RBFOX3: variants seen among roughly 807,000 people sequenced by gnomAD.
The protein encoded by RBFOX3 is RNA binding protein fox-1 homolog 3.
A neutral mutation model predicts 48.7 loss-of-function variants in RBFOX3; 17 were observed. That is an observed-to-expected ratio of 0.35 (90% CI 0.24 to 0.52). RBFOX3 has a LOEUF of 0.52. Ranked by LOEUF, RBFOX3 falls within the 20% of genes least tolerant of loss-of-function variation. The probability of loss-of-function intolerance (pLI) is 0.94; values close to 1 mark genes in which losing one functional copy is unlikely to be tolerated. For synonymous variants in RBFOX3, 212 were observed against 209.5 expected (o/e 1.01, Z -0.10); for missense variants, 382 against 497.5 (o/e 0.77, Z 2.21).
chr17:79,236,351 C>A (rs1253264902), intron 3 of RBFOX3, among the ~76,000 whole-genome samples: 2 of 152,038 alleles, frequency 1.3e-5, no homozygotes, highest in Admixed American at 1.3e-4. Context: ...TGCAATGGTG[C>A]GATCTTGGCT....
intron 1 of RBFOX3, among the ~76,000 whole-genome samples, chr17:79,603,426 C>T (rs1386920308): frequency 1.3e-5 from 2 of 152,208 alleles, no homozygotes; most frequent in Non-Finnish European, 2.9e-5. Context: ...ACTGAGTCCA[C>T]GGCCCCACAG....
intron 1 of RBFOX3, among the ~76,000 whole-genome samples, chr17:79,558,162 T>C (rs1015694150): frequency 1.6e-3 from 242 of 152,138 alleles, no homozygotes; most frequent in Non-Finnish European, 2.7e-3. Context: ...TTTTGTTCAC[T>C]GTTTGGGGGC....
chr17:79,563,065 G>A (rs1053836849), intron 1 of RBFOX3, among the ~76,000 whole-genome samples: 8 of 152,310 alleles, frequency 5.3e-5, no homozygotes, highest in Non-Finnish European at 7.4e-5. Flanking sequence ...CAGAGCGGGC[G>A]GGGGGAGCAA....
At chr17:79,545,943 T>TGTGTGCACGTGTGTGC (rs765513070) in intron 1 of RBFOX3, among the ~76,000 whole-genome samples, 21 of 152,220 alleles carry the variant, frequency 1.4e-4, no homozygotes, top group Non-Finnish European at 2.9e-4. Context: ...AGACTGTGTG[T>TGTGTGCACGTGTGTGC]GTGTGCACGT....
intron 2 of RBFOX3, among the ~76,000 whole-genome samples, chr17:79,441,316 T>C (rs2070869062): frequency 6.6e-6 from 1 of 152,100 alleles, no homozygotes; most frequent in African/African-American, 2.4e-5. Context: ...CTAAGATTCA[T>C]GTCCTCCTGG....
At position 79,488,323 on chromosome 17, in the gene RBFOX3, G is replaced by T. The variant is rs537245056; in HGVS notation, c.-319-5725C>A. Among the ~76,000 whole-genome samples the T allele has an allele frequency of 2.7e-5, 4 of 147,944 alleles. No individual in the cohort carries two copies. The South Asian group carries it at 8.9e-4, about 33-fold the overall frequency. ...GCATCACAGAGAGGCAGAAGTGGCCGGTGAGTTGAGGCGGAGCCCCCCATT... is the reference window on the plus strand; with the variant it reads ...GCATCACAGAGAGGCAGAAGTGGCCTGTGAGTTGAGGCGGAGCCCCCCATT... On this transcript the variant is annotated intron_variant, in intron 1 of 14. Transcript: ENST00000693108.
intron 2 of RBFOX3, among the ~76,000 whole-genome samples, chr17:79,348,093 T>A (rs545904753): frequency 6.6e-6 from 1 of 152,276 alleles, no homozygotes; most frequent in African/African-American, 2.4e-5. Context: ...TTCCCCCTCC[T>A]GAGAGATGCG....
intron 4 of RBFOX3, among the ~76,000 whole-genome samples, chr17:79,165,257 A>T (rs1333724281): frequency 6.6e-6 from 1 of 152,152 alleles, no homozygotes; most frequent in Non-Finnish European, 1.5e-5. Flanking sequence ...GAAAGGGGAG[A>T]GAAGAGAAAG....
chr17:79,394,067 C>G (rs1279371105), intron 2 of RBFOX3, among the ~76,000 whole-genome samples: 1 of 151,842 alleles, frequency 6.6e-6, no homozygotes, highest in Non-Finnish European at 1.5e-5. Context: ...CACATCCGAG[C>G]CCGTCATCAT....
intron 2 of RBFOX3, among the ~76,000 whole-genome samples, chr17:79,345,907 A>C (rs182247681): frequency 1.6e-4 from 25 of 151,958 alleles, no homozygotes; most frequent in African/African-American, 5.1e-4. Context: ...TTCCTCTATG[A>C]GATTTGTTTT....
At chr17:79,498,909 T>TAC (rs2082003359) in intron 1 of RBFOX3, among the ~76,000 whole-genome samples, 1 of 80,044 alleles carries the variant, frequency 1.2e-5, no homozygotes. Flanking sequence ...TCCATCCATA[T>TAC]GGCTACCCAT....
At chr17:79,332,677 G>C (rs2080523238) in intron 2 of RBFOX3, among the ~76,000 whole-genome samples, 1 of 145,216 alleles carries the variant, frequency 6.9e-6, no homozygotes, top group African/African-American at 2.7e-5. Context: ...GAGACAGAGA[G>C]ACAAAGAGAG....
At chr17:79,273,609 C>G (rs558163503) in intron 3 of RBFOX3, among the ~76,000 whole-genome samples, 1 of 151,644 alleles carries the variant, frequency 6.6e-6, no homozygotes, top group Non-Finnish European at 1.5e-5. Flanking sequence ...GGGGCTAGTC[C>G]TGGGGGGCAG....
chr17:79,550,238 C>T (rs1222908381), intron 1 of RBFOX3, among the ~76,000 whole-genome samples: 1 of 152,194 alleles, frequency 6.6e-6, no homozygotes, highest in Non-Finnish European at 1.5e-5. Flanking sequence ...AGGGGCATCA[C>T]CCTCAAAGCT....
chr17:79,231,158 G>C (rs893610002), intron 4 of RBFOX3, among the ~76,000 whole-genome samples: 5 of 152,132 alleles, frequency 3.3e-5, no homozygotes, highest in Non-Finnish European at 7.4e-5. Flanking sequence ...AGCCAAGGTG[G>C]CTGGAGTTAT....
intron 2 of RBFOX3, among the ~76,000 whole-genome samples, chr17:79,339,669 C>T (rs1004974477): frequency 6.6e-6 from 1 of 152,246 alleles, no homozygotes; most frequent in Non-Finnish European, 1.5e-5. Flanking sequence ...GGAGGCCCTG[C>T]TGAGAGAAGA....
At chr17:79,399,479 G>A (rs2062500212) in intron 2 of RBFOX3, among the ~76,000 whole-genome samples, 1 of 151,186 alleles carries the variant, frequency 6.6e-6, no homozygotes, top group South Asian at 2.1e-4. Flanking sequence ...GGGCAGGGAT[G>A]GTTTTTTTTT....
intron 2 of RBFOX3, among the ~76,000 whole-genome samples, chr17:79,330,306 C>T (rs1319731682): frequency 6.6e-6 from 1 of 152,172 alleles, no homozygotes; most frequent in Non-Finnish European, 1.5e-5. Context: ...ATGCTGGTTT[C>T]ACTGCCATGC....
At chr17:79,642,809 A>G in the RBFOX3 span, among the ~76,000 whole-genome samples, 2 of 152,262 alleles carry the variant, frequency 1.3e-5, no homozygotes, top group African/African-American at 4.8e-5. Context: ...TAGCCATATC[A>G]ATAAGTACGC....
Sources: gnomAD v4.1 joint callset for allele counts (sites outside exome capture counted in the v4.1 genomes callset) on GRCh38, gnomAD v4.1.1 for gene constraint, MANE v1.5 for transcripts, NCBI Gene and HGNC (gene_info 2026-07-23, HGNC 2026-07-21) for gene names.